Variants in DLG2 observed in about 807,000 individuals in gnomAD.
DLG2 encodes disks large homolog 2.
DLG2 carries 45 observed loss-of-function variants against 132.5 expected under a neutral mutation model. The ratio of observed to expected loss-of-function variants is 0.34; its 90% confidence interval spans 0.27 to 0.44. DLG2 has a LOEUF of 0.44. Among genes scored for constraint, DLG2 ranks in the 20% least tolerant of loss-of-function variants. The pLI is 1.00. For missense variants in DLG2, 1,045 were observed against 1,196.9 expected (o/e 0.87, Z 1.87); for synonymous variants, 424 against 419.6 (o/e 1.01, Z -0.13).
At chr11:83,563,636 G>A (rs982184617) in intron 19 of DLG2, among the ~76,000 whole-genome samples, 3 of 152,152 alleles carry the variant, frequency 2.0e-5, no homozygotes, top group African/African-American at 7.2e-5. Context: ...TACTTCACAG[G>A]CATTATCTCG....
intron 6 of DLG2, among the ~76,000 whole-genome samples, chr11:85,029,250 CG>C (rs1227063657): frequency 6.6e-6 from 1 of 150,680 alleles, no homozygotes; most frequent in Non-Finnish European, 1.5e-5. Flanking sequence ...GATGAAACAA[CG>C]TAAACTGCCA....
intron 6 of DLG2, among the ~76,000 whole-genome samples, chr11:84,632,730 A>G (rs1232005566): frequency 1.3e-5 from 2 of 152,188 alleles, no homozygotes; most frequent in Non-Finnish European, 2.9e-5. Context: ...TAATACCTGA[A>G]GCTTCAGAAT....
At chr11:85,399,715 A>G (rs923523625) in intron 3 of DLG2, among the ~76,000 whole-genome samples, 1 of 152,218 alleles carries the variant, frequency 6.6e-6, no homozygotes, top group African/African-American at 2.4e-5. Flanking sequence ...TGCTGGGAAA[A>G]CTGGCTAACC....
chr11:85,610,597 G>A (rs1321390002), intron 2 of DLG2, among the ~76,000 whole-genome samples: 2 of 152,162 alleles, frequency 1.3e-5, no homozygotes, highest in Non-Finnish European at 2.9e-5. Context: ...CACTTCTCAA[G>A]TTCAGGCACT....
chr11:84,926,460 A>G (rs1397384647), intron 6 of DLG2, among the ~76,000 whole-genome samples: 1 of 152,032 alleles, frequency 6.6e-6, no homozygotes, highest in African/African-American at 2.4e-5. Context: ...ATATATATAC[A>G]TATTCTTATG....
intron 18 of DLG2, among the ~76,000 whole-genome samples, chr11:83,723,212 C>G (rs913262326): frequency 4.6e-5 from 7 of 152,088 alleles, no homozygotes; most frequent in Non-Finnish European, 7.4e-5. Context: ...GAAACCCCAT[C>G]TCTACTGAAA....
intron 3 of DLG2, among the ~76,000 whole-genome samples, chr11:85,357,236 CTT>C (rs1310915963): frequency 1.8e-5 from 2 of 109,730 alleles, no homozygotes; most frequent in Non-Finnish European, 3.9e-5. Flanking sequence ...TCAATATCCT[CTT>C]TGTGTGTGTG....
At chr11:83,814,061 A>G (rs1032210410) in intron 17 of DLG2, among the ~76,000 whole-genome samples, 2 of 152,158 alleles carry the variant, frequency 1.3e-5, no homozygotes, top group Admixed American at 6.6e-5. Context: ...TAAAAAGAGT[A>G]TGTAAATGAG....
intron 6 of DLG2, among the ~76,000 whole-genome samples, chr11:85,024,602 C>T (rs1355127364): frequency 3.3e-5 from 5 of 152,144 alleles, no homozygotes; most frequent in South Asian, 2.1e-4. Context: ...TAGCCACCAT[C>T]GTACTTTAAA....
intron 15 of DLG2, among the ~76,000 whole-genome samples, chr11:83,905,481 T>C (rs1240922423): frequency 6.6e-6 from 1 of 152,182 alleles, no homozygotes; most frequent in Non-Finnish European, 1.5e-5. Flanking sequence ...AACTGAGGAA[T>C]CCTGTGATGG....
At chr11:83,791,629 T>C (rs2041579316) in intron 17 of DLG2, 1 of 361,736 alleles carries the variant, frequency 2.8e-6, no homozygotes, top group Non-Finnish European at 5.2e-6. Context: ...GATTCACTTC[T>C]GGCATGATGG....
chr11:84,897,150 A>G (rs2090316001), intron 6 of DLG2, among the ~76,000 whole-genome samples: 1 of 151,726 alleles, frequency 6.6e-6, no homozygotes, highest in African/African-American at 2.4e-5. Flanking sequence ...ACATATATAT[A>G]TATATATACC....
chr11:85,153,315 G>T (rs1048936101), intron 5 of DLG2, among the ~76,000 whole-genome samples: 4 of 151,976 alleles, frequency 2.6e-5, no homozygotes, highest in African/African-American at 7.2e-5. Context: ...TCCTCTAAAG[G>T]TATTTTCTTA....
At chr11:83,467,771 G>GTATATATATATATATATA (rs1192401405) in intron 25 of DLG2, among the ~76,000 whole-genome samples, 8 of 85,060 alleles carry the variant, frequency 9.4e-5, no homozygotes, top group East Asian at 3.9e-4. Flanking sequence ...AAAACTATAT[G>GTATATATATATATATATA]TATATATATA....
chr11:84,320,305 T>C (rs2098397139), intron 7 of DLG2, among the ~76,000 whole-genome samples: 1 of 152,188 alleles, frequency 6.6e-6, no homozygotes, highest in Admixed American at 6.6e-5. Context: ...CAAAAATGGA[T>C]AAATATATTG....
intron 6 of DLG2, among the ~76,000 whole-genome samples, chr11:85,106,205 T>C (rs568618472): frequency 3.2e-4 from 48 of 152,040 alleles, no homozygotes; most frequent in South Asian, 8.3e-4. Context: ...GAAATTACTT[T>C]CATATTCTAG....
At chr11:83,851,991 G>C (rs1037513892) in intron 16 of DLG2, among the ~76,000 whole-genome samples, 5 of 152,034 alleles carry the variant, frequency 3.3e-5, no homozygotes, top group Admixed American at 2.0e-4. Context: ...AGAAGATGGA[G>C]GCCAGTGTTG....
intron 6 of DLG2, among the ~76,000 whole-genome samples, chr11:84,622,691 C>A (rs2099616014): frequency 6.6e-6 from 1 of 151,936 alleles, no homozygotes; most frequent in African/African-American, 2.4e-5. Flanking sequence ...AACTAATATT[C>A]CATGCAGAAG....
At chr11:85,222,265 C>T (rs570635145) in intron 4 of DLG2, among the ~76,000 whole-genome samples, 1 of 151,938 alleles carries the variant, frequency 6.6e-6, no homozygotes, top group Non-Finnish European at 1.5e-5. Flanking sequence ...TGTGCCTGGC[C>T]CCAGAATACA....
Sources: gnomAD v4.1 joint callset for allele counts (sites outside exome capture counted in the v4.1 genomes callset) on GRCh38, gnomAD v4.1.1 for gene constraint, MANE v1.5 for transcripts, NCBI Gene and HGNC (gene_info 2026-07-23, HGNC 2026-07-21) for gene names.